ROBO2: variants seen among roughly 807,000 people sequenced by gnomAD.
ROBO2 encodes roundabout homolog 2.
In ROBO2, 53 loss-of-function variants were observed where a neutral mutation model predicts 160.8. The ratio of observed to expected loss-of-function variants is 0.33; its 90% CI spans 0.26 to 0.41. The LOEUF (loss-of-function observed/expected upper bound fraction) is 0.41, where lower values mean the gene tolerates loss of function less well. Ranked by LOEUF, ROBO2 falls within the 10% of genes least tolerant of loss-of-function variation. The probability of loss-of-function intolerance (pLI) is 1.00; values close to 1 mark genes in which losing one functional copy is unlikely to be tolerated. For missense variants in ROBO2, 1,577 were observed against 1,722.4 expected, an observed-to-expected ratio of 0.92 and a Z score of 1.49; for synonymous variants, 664 against 611.7, an observed-to-expected ratio of 1.09 and a Z score of -1.26.
At chr3:76,145,774 T>G (rs2071862941) in intron 2 of ROBO2, among the ~76,000 whole-genome samples, 1 of 152,190 alleles carries the variant, frequency 6.6e-6, no homozygotes, top group East Asian at 1.9e-4. Flanking sequence ...AATTTTAGTT[T>G]TTCAAACTAA....
intron 2 of ROBO2, among the ~76,000 whole-genome samples, chr3:76,696,433 T>C (rs192749802): frequency 1.7e-4 from 26 of 151,856 alleles, no homozygotes; most frequent in Admixed American, 1.4e-3. Context: ...AGAGCTCCCA[T>C]ACGAAGGGAG....
chr3:76,887,261 C>A (rs1444634598), intron 2 of ROBO2, among the ~76,000 whole-genome samples: 14 of 119,028 alleles, frequency 1.2e-4, no homozygotes, highest in African/African-American at 4.6e-4. Flanking sequence ...GGACTAGACT[C>A]TAGTCCAAAA....
intron 2 of ROBO2, among the ~76,000 whole-genome samples, chr3:76,789,962 T>A (rs555899745): frequency 2.6e-5 from 4 of 151,860 alleles, no homozygotes; most frequent in Non-Finnish European, 5.9e-5. Context: ...TTTGGCCACA[T>A]ATAAACCATT....
rs115351654 is a variant in ROBO2 at position 77,529,352 on chromosome 3, A to G, written c.934+6450A>G. The stretch of plus-strand genomic sequence containing the variant: ...AGATATGAAAATAGATGAATGATTG[A>G]AAACATTTCTCAATAGAAAGGATGA... On this transcript the variant is annotated intron_variant, in intron 6 of 25. Transcript: ENST00000461745. Among the ~76,000 whole-genome samples, 708 of 151,766 alleles carry G rather than the reference A, an allele frequency of 4.7e-3. 3 individuals carry two copies. The highest frequency in any genetic ancestry group is 6.8e-3 in the Non-Finnish European group (460 of 67,740).
intron 2 of ROBO2, among the ~76,000 whole-genome samples, chr3:76,445,886 A>G (rs2077156821): frequency 6.6e-6 from 1 of 152,198 alleles, no homozygotes. Flanking sequence ...GATGGGACGT[A>G]TCTCAAAATA....
chr3:76,769,581 T>C (rs2061768430), intron 2 of ROBO2, among the ~76,000 whole-genome samples: 2 of 151,420 alleles, frequency 1.3e-5, no homozygotes, highest in Non-Finnish European at 3.0e-5. Context: ...AAAAAGACAA[T>C]AGTCATTTCA....
At chr3:77,020,727 A>ATAGT (rs139216470) in intron 2 of ROBO2, among the ~76,000 whole-genome samples, 11,566 of 152,198 alleles carry the variant, frequency 0.076, 1,389 homozygotes, top group African/African-American at 0.26. Context: ...ATACAAAATC[A>ATAGT]TAGTTTCCAA....
chr3:77,522,943 C>T (rs1295709924), intron 6 of ROBO2, 41 bp downstream of exon 6: 1 of 1,604,972 alleles, frequency 6.2e-7, no homozygotes, highest in Admixed American at 1.7e-5. Flanking sequence ...AACCAGGAGA[C>T]TAATATTTGG....
intron 2 of ROBO2, among the ~76,000 whole-genome samples, chr3:76,633,207 G>A (rs1007896142): frequency 2.0e-5 from 3 of 152,064 alleles, no homozygotes; most frequent in African/African-American, 7.2e-5. Flanking sequence ...AAAGAAAGAT[G>A]ATTTATAAAA....
chr3:77,585,853 CT>C (rs1316232353), intron 16 of ROBO2, among the ~76,000 whole-genome samples: 1 of 152,050 alleles, frequency 6.6e-6, no homozygotes. Flanking sequence ...TCAATTTACA[CT>C]TTCCCATTGT....
At chr3:76,645,107 T>G (rs969073111) in intron 2 of ROBO2, among the ~76,000 whole-genome samples, 1 of 152,188 alleles carries the variant, frequency 6.6e-6, no homozygotes. Context: ...AAAGAAAAAC[T>G]AAGGTCCACA....
intron 2 of ROBO2, among the ~76,000 whole-genome samples, chr3:76,307,047 C>T (rs1468382296): frequency 3.3e-5 from 5 of 152,118 alleles, no homozygotes; most frequent in South Asian, 2.1e-4. Context: ...TTAATGCACT[C>T]GAACATTTTA....
intron 10 of ROBO2, 56 bp from the exon 12 acceptor site, chr3:77,563,111 C>T: frequency 6.5e-7 from 1 of 1,543,538 alleles, no homozygotes; most frequent in African/African-American, 1.4e-5. Context: ...TTCTTTTAGG[C>T]AGTATTGTCA....
chr3:76,180,691 C>CA (rs1701463022), intron 2 of ROBO2, among the ~76,000 whole-genome samples: 1 of 152,144 alleles, frequency 6.6e-6, no homozygotes, highest in Non-Finnish European at 1.5e-5. Flanking sequence ...ACAACCATTT[C>CA]ACTGAGTTTG....
intron 7 of ROBO2, among the ~76,000 whole-genome samples, chr3:77,547,714 G>A (rs1423486871): frequency 3.9e-5 from 6 of 151,952 alleles, no homozygotes; most frequent in Non-Finnish European, 8.8e-5. Context: ...CATTCCTCTT[G>A]TGATTTGTGG....
At chr3:76,444,873 T>C (rs1205562830) in intron 2 of ROBO2, among the ~76,000 whole-genome samples, 1 of 152,170 alleles carries the variant, frequency 6.6e-6, no homozygotes, top group East Asian at 1.9e-4. Context: ...TATTAAAAAT[T>C]TTCCTACACA....
At chr3:77,560,789 C>T (rs1189870654) in intron 9 of ROBO2, among the ~76,000 whole-genome samples, 3 of 152,172 alleles carry the variant, frequency 2.0e-5, no homozygotes, top group Non-Finnish European at 4.4e-5. Context: ...GCATTACCTA[C>T]ATACTTTTCT....
chr3:76,756,825 G>A (rs778747249), intron 2 of ROBO2, among the ~76,000 whole-genome samples: 15 of 151,798 alleles, frequency 9.9e-5, no homozygotes, highest in Non-Finnish European at 2.1e-4. Flanking sequence ...ACAGGGCTTC[G>A]TTGAACGAAG....
chr3:75,918,640 A>G (rs1265255001), intron 1 of ROBO2, among the ~76,000 whole-genome samples: 1 of 152,112 alleles, frequency 6.6e-6, no homozygotes, highest in East Asian at 1.9e-4. Flanking sequence ...GGCCATTTTC[A>G]TGATATTGAG....
Sources: allele counts gnomAD v4.1 joint callset (sites outside exome capture counted in the v4.1 genomes callset), GRCh38; gene constraint gnomAD v4.1.1; transcripts MANE v1.5; gene names NCBI Gene and HGNC (gene_info 2026-07-23, HGNC 2026-07-21).